Variants in RNLS observed in about 807,000 individuals in gnomAD.
RNLS encodes the protein renalase.
Under a neutral mutation model 39.8 loss-of-function variants are expected in RNLS, and 39 were observed. The ratio of observed to expected loss-of-function variants is 0.98; its 90% confidence interval spans 0.76 to 1.28. The LOEUF is 1.28. Ranked by LOEUF, RNLS falls within the 50% of genes most tolerant of loss-of-function variation. The pLI is 0.00. For synonymous variants in RNLS, 147 were observed against 150.7 expected (o/e 0.98, Z 0.18); for missense variants, 410 against 413.3 (o/e 0.99, Z 0.07).
chr10:88,324,495 T>C (rs970864724), intron 5 of RNLS, among the ~76,000 whole-genome samples: 15 of 148,182 alleles, frequency 1.0e-4, no homozygotes, highest in Admixed American at 6.7e-5. Flanking sequence ...TAAGAGCTAA[T>C]CAATGGGTAC....
In RNLS at chr10:88,459,473, T is replaced by G. The variant is rs1842822986; in HGVS notation, c.527-96748A>C. 2.0e-5 allele frequency among the ~76,000 whole-genome samples: 3 copies of G among 152,186 alleles called. No homozygotes were observed. The South Asian group carries it at 6.2e-4, about 31-fold the overall frequency. ...GCCTATACAAAGCAGTTTGCTCTTT[T>G]TGTCTGTTTCGTATTGTACCATTGC... is the stretch of plus-strand genomic sequence containing the variant. On this transcript the variant is annotated intron_variant, in intron 4 of 6. Coordinates refer to ENST00000331772, the MANE Select transcript of RNLS (RefSeq NM_001031709.3).
the RNLS span, among the ~76,000 whole-genome samples, chr10:88,187,667 C>G: frequency 6.6e-6 from 1 of 152,016 alleles, no homozygotes; most frequent in Non-Finnish European, 1.5e-5. Context: ...GAGAAATAAG[C>G]CTTTCTGGGT....
chr10:88,182,252 GA>G, the RNLS span, among the ~76,000 whole-genome samples: 8 of 152,020 alleles, frequency 5.3e-5, no homozygotes, highest in Non-Finnish European at 8.8e-5. Flanking sequence ...GAAGGATTTA[GA>G]AAAAAATATC....
intron 4 of RNLS, among the ~76,000 whole-genome samples, chr10:88,518,168 C>T (rs1284112074): frequency 6.6e-6 from 1 of 151,666 alleles, no homozygotes; most frequent in African/African-American, 2.4e-5. Flanking sequence ...AATTTAAGCC[C>T]TAGATTTTTT....
intron 6 of RNLS, among the ~76,000 whole-genome samples, chr10:88,292,293 T>C (rs1160870900): frequency 1.3e-5 from 2 of 151,308 alleles, no homozygotes; most frequent in South Asian, 2.1e-4. Flanking sequence ...GGAAATATCT[T>C]TGTGGTTTCA....
intron 4 of RNLS, among the ~76,000 whole-genome samples, chr10:88,390,167 G>A (rs780389223): frequency 3.8e-4 from 58 of 152,296 alleles, no homozygotes; most frequent in Non-Finnish European, 8.1e-4. Flanking sequence ...TTGAAACTGT[G>A]TTGTGACCAG....
At chr10:88,462,334 G>C (rs1400040150) in intron 4 of RNLS, among the ~76,000 whole-genome samples, 1 of 151,936 alleles carries the variant, frequency 6.6e-6, no homozygotes, top group African/African-American at 2.4e-5. Flanking sequence ...ATCACCTTAA[G>C]CACTTATCCT....
At chr10:88,472,100 T>A (rs1376373249) in intron 4 of RNLS, among the ~76,000 whole-genome samples, 1 of 152,210 alleles carries the variant, frequency 6.6e-6, no homozygotes, top group African/African-American at 2.4e-5. Context: ...CAAGGGCTAG[T>A]CCTGAAGGCA....
At chr10:88,281,691 A>C (rs1016076830), downstream of RNLS, among the ~76,000 whole-genome samples, 2 of 152,136 alleles carry the variant, frequency 1.3e-5, no homozygotes, top group African/African-American at 4.8e-5. Context: ...AATCAACATA[A>C]GGGTTGTCCA....
chr10:88,408,466 G>C (rs1005097166), intron 4 of RNLS, among the ~76,000 whole-genome samples: 2 of 151,932 alleles, frequency 1.3e-5, no homozygotes, highest in Admixed American at 6.6e-5. Context: ...AAGTCAAAAG[G>C]AGCTGCCTTG....
chr10:88,427,710 C>A (rs1413604656), intron 4 of RNLS, among the ~76,000 whole-genome samples: 1 of 151,924 alleles, frequency 6.6e-6, no homozygotes, highest in Non-Finnish European at 1.5e-5. Context: ...AGAGAGAAAT[C>A]AGTCATATTC....
chr10:88,498,759 C>T (rs1190598890), intron 4 of RNLS, among the ~76,000 whole-genome samples: 2 of 151,770 alleles, frequency 1.3e-5, no homozygotes, highest in African/African-American at 2.4e-5. Flanking sequence ...AAAAGAAAGA[C>T]TAATGTGTGT....
At chr10:88,515,981 T>C (rs1277815885) in intron 4 of RNLS, among the ~76,000 whole-genome samples, 2 of 151,868 alleles carry the variant, frequency 1.3e-5, no homozygotes, top group Admixed American at 1.3e-4. Flanking sequence ...GGACAGGAAA[T>C]GTGGACACTA....
At chr10:88,195,952 G>A in the RNLS span, among the ~76,000 whole-genome samples, 1 of 152,082 alleles carries the variant, frequency 6.6e-6, no homozygotes, top group Non-Finnish European at 1.5e-5. Context: ...TGTTTCTAGG[G>A]TCTTTTGTCT....
chr10:88,301,070 C>T (rs1052808889), intron 6 of RNLS, among the ~76,000 whole-genome samples: 1 of 151,976 alleles, frequency 6.6e-6, no homozygotes, highest in African/African-American at 2.4e-5. Context: ...ATTTGCTGGT[C>T]AAAATAATTA....
chr10:88,263,022 C>T, the RNLS span, among the ~76,000 whole-genome samples: 1 of 152,012 alleles, frequency 6.6e-6, no homozygotes, highest in African/African-American at 2.4e-5. Context: ...TCAGTTTTCT[C>T]ATCTGAAAAA....
intron 4 of RNLS, among the ~76,000 whole-genome samples, chr10:88,454,658 T>G (rs1399950671): frequency 1.3e-5 from 2 of 152,122 alleles, no homozygotes; most frequent in Non-Finnish European, 2.9e-5. Flanking sequence ...AAACCAGAGG[T>G]GCTTAAGTCA....
chr10:88,381,736 A>ATAT (rs1851510294), intron 4 of RNLS, among the ~76,000 whole-genome samples: 1 of 152,036 alleles, frequency 6.6e-6, no homozygotes, highest in African/African-American at 2.4e-5. Context: ...TTTTAGAAAA[A>ATAT]TATTTATCAA....
chr10:88,277,408 C>A (rs1378233006), intron 6 of RNLS, among the ~76,000 whole-genome samples: 1 of 152,080 alleles, frequency 6.6e-6, no homozygotes, highest in African/African-American at 2.4e-5. Flanking sequence ...AGCAAACCAA[C>A]ATGGCACATG....
Sources: allele counts gnomAD v4.1 joint callset (sites outside exome capture counted in the v4.1 genomes callset), GRCh38; gene constraint gnomAD v4.1.1; transcripts MANE v1.5; gene names NCBI Gene and HGNC (gene_info 2026-07-23, HGNC 2026-07-21).